Variants in SETDB2 observed in about 807,000 individuals in gnomAD.
The protein encoded by SETDB2 is histone-lysine N-methyltransferase SETDB2.
A neutral mutation model predicts 82.5 loss-of-function variants in SETDB2; 56 were observed. The ratio of observed to expected loss-of-function variants is 0.68; its 90% CI spans 0.55 to 0.85. SETDB2 has a LOEUF of 0.85. Among genes scored for constraint, SETDB2 ranks in the 40% least tolerant of loss-of-function variants. SETDB2 has a pLI of 0.00. For missense variants in SETDB2, 677 were observed against 816.4 expected, an observed-to-expected ratio of 0.83 and a Z score of 2.08; for synonymous variants, 272 against 284.9, an observed-to-expected ratio of 0.95 and a Z score of 0.46.
At position 49,493,546 on chromosome 13, in the gene SETDB2, C is replaced by T. The variant is rs1958751295; in HGVS notation, c.*1697C>T. ...TGTGGGATCTGTTTCCAGTTAGATGCCATTATTTTCCTTTTCCTTGGTTTA... is the reference window on the plus strand; with the variant it reads ...TGTGGGATCTGTTTCCAGTTAGATGTCATTATTTTCCTTTTCCTTGGTTTA... On this transcript the variant is annotated 3_prime_UTR_variant, in exon 14 of 14. Transcript: ENST00000611815. 6.6e-6 allele frequency: 1 copy of T among 152,170 alleles called. No individual in the cohort carries two copies. The highest frequency in any genetic ancestry group is 6.5e-5 in the Admixed American group (1 of 15,280). 9.4% of individuals were successfully genotyped at this position (152,170 alleles called of 1,614,324 possible).
chr13:49,483,456 C>T lies in SETDB2; in HGVS notation c.1383-8C>T, dbSNP rs1379535069. 1 of 1,228,112 alleles carries T rather than the reference C, an allele frequency of 8.1e-7. No individual in the cohort carries two copies. 76.1% of individuals were successfully genotyped at this position (1,228,112 alleles called of 1,614,324 possible). ...AGTGATACAGAATAACTTTTTTTTC[C>T]TTTTTAGGGAAACGAAATATGATAA... On this transcript the variant is annotated splice_polypyrimidine_tract_variant and splice_region_variant and intron_variant, in intron 9 of 13. Coordinates refer to ENST00000611815, the MANE Select transcript of SETDB2 (RefSeq NM_001160308.3).
intron 11 of SETDB2, among the ~76,000 whole-genome samples, chr13:49,486,889 C>T (rs1307064395): frequency 6.6e-6 from 1 of 152,092 alleles, no homozygotes; most frequent in East Asian, 1.9e-4. Context: ...CCCCTGCAAC[C>T]GCAGCTCTCC....
chr13:49,475,489 G>A (rs1173756862), intron 5 of SETDB2, among the ~76,000 whole-genome samples: 3 of 150,858 alleles, frequency 2.0e-5, no homozygotes, highest in South Asian at 2.1e-4. Flanking sequence ...AGCTTTTCAC[G>A]GATTTTTTTT....
chr13:49,457,349 G>A (rs1399138941), intron 2 of SETDB2, among the ~76,000 whole-genome samples: 2 of 137,908 alleles, frequency 1.5e-5, no homozygotes, highest in Admixed American at 1.5e-4. Flanking sequence ...GCATGTGTTG[G>A]CATTTCTAAG....
At chr13:49,469,235 A>G (rs2138899763) in intron 5 of SETDB2, among the ~76,000 whole-genome samples, 1 of 152,304 alleles carries the variant, frequency 6.6e-6, no homozygotes, top group African/African-American at 2.4e-5. Flanking sequence ...GACCAAAGAT[A>G]AAAACCTTGT....
intron 1 of SETDB2, among the ~76,000 whole-genome samples, chr13:49,450,718 C>A (rs9568206): frequency 6.6e-6 from 1 of 151,942 alleles, no homozygotes; most frequent in Non-Finnish European, 1.5e-5. Context: ...CCTAACATTT[C>A]CATGGTTTGG....
At chr13:49,464,221 C>T (rs9568214) in intron 4 of SETDB2, among the ~76,000 whole-genome samples, 10,389 of 152,192 alleles carry the variant, frequency 0.068, 469 homozygotes, top group East Asian at 0.16. Context: ...CTCTGCTCTC[C>T]CTGATTAGAT....
intron 1 of SETDB2, among the ~76,000 whole-genome samples, chr13:49,446,834 A>C (rs763300110): frequency 2.0e-5 from 3 of 152,176 alleles, no homozygotes; most frequent in Non-Finnish European, 4.4e-5. Flanking sequence ...CTGCAAGGAA[A>C]ATCTTTGTGT....
At chr13:49,452,597 C>T (rs1040458405) in intron 2 of SETDB2, among the ~76,000 whole-genome samples, 9 of 152,176 alleles carry the variant, frequency 5.9e-5, no homozygotes, top group Non-Finnish European at 1.3e-4. Flanking sequence ...AGTATATTCA[C>T]GTTAGTTTTT....
chr13:49,467,558 A>C (rs1400754533), intron 4 of SETDB2, among the ~76,000 whole-genome samples: 3 of 152,246 alleles, frequency 2.0e-5, no homozygotes, highest in Admixed American at 1.3e-4. Flanking sequence ...TCTCTATAAA[A>C]TGCATGCAGA....
At chr13:49,458,036 A>ATT (rs1003417379) in intron 2 of SETDB2, among the ~76,000 whole-genome samples, 3 of 152,306 alleles carry the variant, frequency 2.0e-5, no homozygotes, top group African/African-American at 7.2e-5. Flanking sequence ...GTTTTTGTTG[A>ATT]TTATCAGTGA....
At chr13:49,470,966 C>CTTTCTTTCTTTTTTTTT (rs10695231) in intron 5 of SETDB2, among the ~76,000 whole-genome samples, 3 of 80,484 alleles carry the variant, frequency 3.7e-5, no homozygotes, top group South Asian at 4.4e-4. Context: ...TTCTTTCTTT[C>CTTTCTTTCTTTTTTTTT]TTTTTTTTTT....
intron 2 of SETDB2, among the ~76,000 whole-genome samples, chr13:49,457,125 T>G (rs1957896840): frequency 6.6e-6 from 1 of 152,032 alleles, no homozygotes; most frequent in African/African-American, 2.4e-5. Context: ...ATTTCCAAGA[T>G]TGATCATTTA....
At chr13:49,458,036 A>T (rs1227160342) in intron 2 of SETDB2, among the ~76,000 whole-genome samples, 29 of 152,188 alleles carry the variant, frequency 1.9e-4, no homozygotes. Context: ...GTTTTTGTTG[A>T]TTATCAGTGA....
chr13:49,484,549 C>T (rs192268575), intron 10 of SETDB2, among the ~76,000 whole-genome samples: 405 of 152,242 alleles, frequency 2.7e-3, no homozygotes, highest in Middle Eastern at 0.01. Context: ...GGATTAGAGG[C>T]GTGAGCCACT....
chr13:49,465,878 A>AAAG (rs1958101654), intron 4 of SETDB2, among the ~76,000 whole-genome samples: 1 of 152,218 alleles, frequency 6.6e-6, no homozygotes, highest in Non-Finnish European at 1.5e-5. Context: ...TGCAAAGTGT[A>AAAG]AGGGTAGCCA....
intron 6 of SETDB2, 85 bp downstream of exon 6, chr13:49,477,124 T>G (rs1958382422): frequency 2.4e-6 from 3 of 1,260,174 alleles, no homozygotes; most frequent in Non-Finnish European, 3.2e-6. Flanking sequence ...TTAATTTGTC[T>G]ATCTAAAACC....
chr13:49,461,039 A>C (rs1404864200), intron 3 of SETDB2, 58 bp from the exon 4 acceptor site: 12 of 1,304,768 alleles, frequency 9.2e-6, no homozygotes, highest in African/African-American at 1.5e-5. Flanking sequence ...ATTGTTTAGC[A>C]CAGTAGCTGG....
chr13:49,469,787 C>A (rs1352323314), intron 5 of SETDB2, among the ~76,000 whole-genome samples: 1 of 152,064 alleles, frequency 6.6e-6, no homozygotes, highest in Non-Finnish European at 1.5e-5. Context: ...TTCTAGTACC[C>A]TCTCTTTAAC....
Sources: gnomAD v4.1 joint callset for allele counts (sites outside exome capture counted in the v4.1 genomes callset) on GRCh38, gnomAD v4.1.1 for gene constraint, MANE v1.5 for transcripts, NCBI Gene and HGNC (gene_info 2026-07-23, HGNC 2026-07-21) for gene names.